The following SLC22A23 variants were observed in gnomAD, a reference collection of about 807,000 sequenced individuals.
SLC22A23 encodes solute carrier family 22 member 23.
In SLC22A23, 26 loss-of-function variants were observed where a neutral mutation model predicts 61.0. The ratio of observed to expected loss-of-function variants is 0.43; its 90% confidence interval spans 0.31 to 0.59. SLC22A23 has a LOEUF of 0.59. SLC22A23 is among the 20% of genes least tolerant of loss of function. SLC22A23 has a pLI of 0.11. For missense variants in SLC22A23, 796 were observed against 934.7 expected, an observed-to-expected ratio of 0.85 and a Z score of 1.94; for synonymous variants, 430 against 413.9, an observed-to-expected ratio of 1.04 and a Z score of -0.47.
chr6:3,391,775 G>A (rs1405675145), intron 3 of SLC22A23, among the ~76,000 whole-genome samples: 1 of 152,144 alleles, frequency 6.6e-6, no homozygotes, highest in Admixed American at 6.5e-5. Flanking sequence ...GAAATTGTTT[G>A]GGTACTGATT....
rs1208770643 is a variant in SLC22A23, at chr6:3,456,427, C to T, written c.133G>A (p.Gly45Ser). 3.8e-6 allele frequency: 5 copies of T among 1,332,118 alleles called. No homozygotes were observed. In the South Asian group the frequency reaches 8.3e-5, roughly 22 times the overall value. The allele number at this position is 1,332,118 out of a possible 1,614,324, so 82.5% of individuals were successfully genotyped here. ...AGCGGCTGGATCTCCGCGCCGCCGC[C>T]GGGGCCCGCGCGTCCCCCGAGGGGC... ...SAPLGGRAGP[G>S]GGAEIQPLPP... The change falls in exon 1 of 10, where the codon GGC (glycine) becomes AGC (serine). Residue 45 changes from glycine (G) to serine (S), a missense_variant. Physicochemically the swap from Gly to Ser is moderately conservative, Grantham distance 56. Transcript: ENST00000406686. This position sits in a 1 kb window ranked among gnomAD's most constrained non-coding sequence, Gnocchi z 7.1.
intron 1 of SLC22A23, among the ~76,000 whole-genome samples, chr6:3,418,943 T>C (rs1291940618): frequency 6.6e-6 from 1 of 152,100 alleles, no homozygotes; most frequent in Non-Finnish European, 1.5e-5. Context: ...GAAAAGAAAA[T>C]ATGTTCAGAC....
chr6:3,398,557 G>A lies in SLC22A23; in HGVS notation c.913+11631C>T, dbSNP rs577128547. Among the ~76,000 whole-genome samples, 4 of 151,242 alleles carry A rather than the reference G, an allele frequency of 2.6e-5. No homozygotes were observed. The East Asian group carries it at 5.8e-4, about 22-fold the overall frequency. On this transcript the variant is annotated intron_variant, in intron 3 of 9. Coordinates refer to ENST00000406686, the MANE Select transcript of SLC22A23 (RefSeq NM_015482.2). ...AATCAGAGACCCATTTTCTGGTCTC[G>A]GTGTTCTGTGCAGGAGATTCAGAGG...
intron 3 of SLC22A23, among the ~76,000 whole-genome samples, chr6:3,381,218 A>G (rs141591913): frequency 1.9e-4 from 29 of 152,154 alleles, no homozygotes; most frequent in African/African-American, 6.0e-4. Flanking sequence ...GCATGGGGAC[A>G]CCACATCTCC....
intron 5 of SLC22A23, among the ~76,000 whole-genome samples, chr6:3,293,536 TGTCTA>T (rs1760808637): frequency 6.6e-6 from 1 of 152,262 alleles, no homozygotes; most frequent in Non-Finnish European, 1.5e-5. Context: ...CAATCTTCAA[TGTCTA>T]GCCAAGCTTT....
chr6:3,410,303 G>A lies in SLC22A23; in HGVS notation c.798C>T (p.Phe266=). ...CCACAGTCAGTCCAAAGATCAGAAT[G>A]AAGATGATGGAAAACAGCAGCACAG... The part of the protein sequence containing the change: ...RRPVLLFSII[F]ILIFGLTVAL... Residue 266 remains phenylalanine, a synonymous_variant, in exon 3 of 10, where the codon TTC becomes TTT. Coordinates refer to ENST00000406686, the MANE Select transcript of SLC22A23 (RefSeq NM_015482.2). The surrounding 1 kb of genome is among the most constrained non-coding windows in gnomAD (Gnocchi z 5.0). The A allele has an allele frequency of 1.2e-6, 2 of 1,613,542 alleles. No individual in the cohort carries two copies. The highest frequency in any genetic ancestry group is 1.7e-6 in the Non-Finnish European group (2 of 1,179,772).
intron 5 of SLC22A23, among the ~76,000 whole-genome samples, chr6:3,294,503 G>C (rs1760897847): frequency 6.6e-6 from 1 of 152,110 alleles, no homozygotes; most frequent in Admixed American, 6.5e-5. Flanking sequence ...AACACTTCTG[G>C]TCCCGAGCAT....
At chr6:3,348,496 G>A (rs1392938712) in intron 3 of SLC22A23, among the ~76,000 whole-genome samples, 1 of 152,190 alleles carries the variant, frequency 6.6e-6, no homozygotes. Context: ...TCTTCTTACT[G>A]AGTCCCATCT....
chr6:3,331,263 C>A (rs1763565020), intron 3 of SLC22A23, among the ~76,000 whole-genome samples: 1 of 152,218 alleles, frequency 6.6e-6, no homozygotes, highest in Non-Finnish European at 1.5e-5. Flanking sequence ...CTGTGCCCCA[C>A]CAGAATCTAA....
In SLC22A23 at chr6:3,330,102, A is replaced by G. The variant is rs979376468; in HGVS notation, c.914-6100T>C. Among the ~76,000 whole-genome samples the G allele has an allele frequency of 6.6e-6, 1 of 152,120 alleles. No homozygotes were observed. The highest frequency in any genetic ancestry group is 3.2e-3 in the Middle Eastern group (1 of 316). ...CCTGCCCAGCCCCAGAACACACAGG[A>G]TTCAAAGAGGCCACTTCTCCAAACC... On this transcript the variant is annotated intron_variant, in intron 3 of 9. Coordinates refer to ENST00000406686, the MANE Select transcript of SLC22A23 (RefSeq NM_015482.2). The surrounding 1 kb of genome is among the most constrained non-coding windows in gnomAD (Gnocchi z 4.7).
intron 3 of SLC22A23, among the ~76,000 whole-genome samples, chr6:3,325,972 G>A (rs1056768947): frequency 6.6e-6 from 1 of 152,236 alleles, no homozygotes; most frequent in Non-Finnish European, 1.5e-5. Flanking sequence ...CCTCTCTTTA[G>A]TGACATGATA....
intron 3 of SLC22A23, among the ~76,000 whole-genome samples, chr6:3,398,553 T>G (rs1768169107): frequency 6.6e-6 from 1 of 151,058 alleles, no homozygotes; most frequent in Non-Finnish European, 1.5e-5. Context: ...CATTTTCTGG[T>G]CTCGGTGTTC....
At chr6:3,377,257 G>A (rs1374370865) in intron 3 of SLC22A23, among the ~76,000 whole-genome samples, 1 of 152,216 alleles carries the variant, frequency 6.6e-6, no homozygotes, top group Non-Finnish European at 1.5e-5. Context: ...TACAGAAAAA[G>A]TTTGCTGAGC....
chr6:3,318,060 AGTCCCT>A lies in SLC22A23; in HGVS notation c.1082+5768_1082+5773del, dbSNP rs1762742392. On this transcript the variant is annotated intron_variant, in intron 4 of 9. Transcript: ENST00000406686. The surrounding 1 kb of genome is among the most constrained non-coding windows in gnomAD (Gnocchi z 4.3). ...CCTGTGCTCACTGCACCCCCTGCCA[AGTCCCT>A]GTCCAGTCTCTGGGTGCATCATGCT... is the stretch of plus-strand genomic sequence containing the variant. Among the ~76,000 whole-genome samples the A allele has an allele frequency of 6.6e-6, 1 of 152,132 alleles. No individual in the cohort carries two copies. Among genetic ancestry groups the A allele is most frequent in the African/African-American group, 2.4e-5 (1 of 41,418 alleles).
chr6:3,375,813 T>C (rs774174636), intron 3 of SLC22A23, among the ~76,000 whole-genome samples: 4 of 152,206 alleles, frequency 2.6e-5, no homozygotes, highest in Non-Finnish European at 5.9e-5. Context: ...AATGAAAAGA[T>C]CCAGGTACAA....
intron 1 of SLC22A23, among the ~76,000 whole-genome samples, chr6:3,442,053 A>C (rs1311220177): frequency 6.6e-6 from 1 of 152,200 alleles, no homozygotes; most frequent in Admixed American, 6.5e-5. Flanking sequence ...GTGAACAAAC[A>C]AACAGAATGT....
At chr6:3,370,163 T>C (rs1766115526) in intron 3 of SLC22A23, among the ~76,000 whole-genome samples, 1 of 152,264 alleles carries the variant, frequency 6.6e-6, no homozygotes, top group African/African-American at 2.4e-5. Flanking sequence ...ATTTATTTTT[T>C]CCTTGGATTT....
intron 2 of SLC22A23, among the ~76,000 whole-genome samples, chr6:3,415,437 G>A (rs1769624273): frequency 6.6e-6 from 1 of 152,154 alleles, no homozygotes; most frequent in African/African-American, 2.4e-5. Flanking sequence ...TCCACCTCCT[G>A]CAGCCCTGCA....
intron 6 of SLC22A23, 83 bp downstream of exon 6, chr6:3,289,681 G>A (rs1334459846): frequency 1.8e-6 from 2 of 1,125,848 alleles, no homozygotes; most frequent in Non-Finnish European, 2.6e-6. Flanking sequence ...GCGGGGTGGG[G>A]AGCAGGGCCC....
Sources: allele counts gnomAD v4.1 joint callset (sites outside exome capture counted in the v4.1 genomes callset), GRCh38; gene constraint gnomAD v4.1.1; non-coding constraint Gnocchi (gnomAD v3.1); transcripts MANE v1.5; gene names NCBI Gene and HGNC (gene_info 2026-07-23, HGNC 2026-07-21).